WNT16: variants seen among roughly 807,000 people sequenced by gnomAD.
The protein encoded by WNT16 is protein Wnt-16.
WNT16 carries 20 observed loss-of-function variants against 35.4 expected under a neutral mutation model. The observed-to-expected ratio is 0.56, with a 90% CI of 0.40 to 0.82. WNT16 has a LOEUF of 0.82. Among genes scored for constraint, WNT16 ranks in the 40% least tolerant of loss-of-function variants. The pLI is 0.00. For synonymous variants in WNT16, 180 were observed against 179.2 expected, an observed-to-expected ratio of 1.00 and a Z score of -0.03; for missense variants, 461 against 466.0, an observed-to-expected ratio of 0.99 and a Z score of 0.10.
upstream of WNT16, chr7:121,325,442 G>A (rs886887330): frequency 1.3e-5 from 21 of 1,613,720 alleles, no homozygotes; most frequent in African/African-American, 5.3e-5. Flanking sequence ...GCCTCAGGGA[G>A]ACCCTCTTCA....
At chr7:121,328,251 G>T (rs1379623404), upstream of WNT16, among the ~76,000 whole-genome samples, 1 of 152,176 alleles carries the variant, frequency 6.6e-6, no homozygotes, top group Admixed American at 6.5e-5. Flanking sequence ...TAGGACTGGA[G>T]AAAAAGATCA....
At position 121,339,514 on chromosome 7, in the gene WNT16, G is replaced by C. The variant is rs190011371; in HGVS notation, c.*169G>C. 1,478 of 592,304 alleles carry C rather than the reference G, an allele frequency of 2.5e-3. 5 individuals are homozygous for C. The highest frequency in any genetic ancestry group is 3.8e-3 in the Non-Finnish European group (1,291 of 341,608). 36.7% of individuals were successfully genotyped at this position (592,304 alleles called of 1,614,324 possible). A position where few individuals can be genotyped will look rare whatever the true frequency, so the allele number is the denominator to read the frequency against. On this transcript the variant is annotated 3_prime_UTR_variant, in exon 4 of 4. Coordinates refer to ENST00000222462, the MANE Select transcript of WNT16 (RefSeq NM_057168.2). ...CTGATCGACATATTTTCCTTTATCT[G>C]ATCAACCCATCAATCATGTGGATTT...
chr7:121,339,004 T>C lies in WNT16; in HGVS notation c.757T>C (p.Tyr253His), dbSNP rs771869104. Residue 253 changes from tyrosine (Y) to histidine (H), a missense_variant, in exon 4 of 4, where the codon TAT becomes CAT. Tyr to His is a moderately conservative substitution (Grantham distance 83, BLOSUM62 2). Transcript: ENST00000222462. Reference protein sequence around the residue: ...EKIGHLLKDKYENSIQISDKT... With the variant: ...EKIGHLLKDKHENSIQISDKT... ...GATTGGCCATTTGTTGAAGGATAAA[T>C]ATGAAAACAGTATCCAGATATCAGA... 8.7e-6 allele frequency: 14 copies of C among 1,613,908 alleles called. No individual in the cohort carries two copies. The highest frequency in any genetic ancestry group is 1.7e-5 in the Admixed American group (1 of 59,974).
intron 3 of WNT16, among the ~76,000 whole-genome samples, chr7:121,333,099 T>C (rs906707295): frequency 2.0e-5 from 3 of 152,072 alleles, no homozygotes; most frequent in African/African-American, 7.2e-5. Flanking sequence ...GCACATATCA[T>C]ATATTCTTGT....
chr7:121,326,038 CAAAAAAAAAAA>C (rs386411143), upstream of WNT16, among the ~76,000 whole-genome samples: 31 of 23,094 alleles, frequency 1.3e-3, no homozygotes, highest in South Asian at 0.045. Context: ...TACCTCATCT[CAAAAAAAAAAA>C]AAAAAAAAAA....
chr7:121,338,258 C>A (rs570824358), intron 3 of WNT16, among the ~76,000 whole-genome samples: 3 of 152,152 alleles, frequency 2.0e-5, no homozygotes, highest in Non-Finnish European at 4.4e-5. Context: ...ACCCCCTGCC[C>A]GACCAGTGAA....
At chr7:121,330,488 A>G (rs992738641) in intron 2 of WNT16, among the ~76,000 whole-genome samples, 12 of 152,216 alleles carry the variant, frequency 7.9e-5, no homozygotes, top group Non-Finnish European at 7.3e-5. Flanking sequence ...GGTAAGGATA[A>G]AGGTACAGGG....
intron 2 of WNT16, among the ~76,000 whole-genome samples, chr7:121,330,691 A>G (rs1793330127): frequency 1.4e-5 from 2 of 141,134 alleles, no homozygotes; most frequent in African/African-American, 5.5e-5. Context: ...GCCCTTCCGA[A>G]GGAGCCCTGG....
rs779406140 is a variant in WNT16, at chr7:121,338,873, G to T, written c.634-8G>T. Reference sequence around the variant, plus strand: ...TTGATAGTTGAACACAATTACTGTTGGTTTCAGGCTGTCGCCAAGTTGATG... The same window carrying T: ...TTGATAGTTGAACACAATTACTGTTTGTTTCAGGCTGTCGCCAAGTTGATG... On this transcript the variant is annotated splice_polypyrimidine_tract_variant and splice_region_variant and intron_variant, in intron 3 of 3. Transcript: ENST00000222462. 4 of 1,608,374 alleles carry T rather than the reference G, an allele frequency of 2.5e-6. No individual in the cohort carries two copies. The highest frequency in any genetic ancestry group is 2.5e-6 in the Non-Finnish European group (3 of 1,177,206).
intron 3 of WNT16, among the ~76,000 whole-genome samples, chr7:121,336,621 A>C (rs922473021): frequency 2.0e-5 from 3 of 152,194 alleles, no homozygotes; most frequent in African/African-American, 7.2e-5. Flanking sequence ...TCAAAACAAT[A>C]CCATTAACCT....
At chr7:121,332,236 A>ATG (rs1562875844) in intron 3 of WNT16, among the ~76,000 whole-genome samples, 2 of 51,800 alleles carry the variant, frequency 3.9e-5, no homozygotes, top group African/African-American at 3.0e-4. Context: ...GAATAAATAT[A>ATG]CGTGTGTGTG....
intron 2 of WNT16, among the ~76,000 whole-genome samples, chr7:121,331,110 A>C (rs1793339048): frequency 6.6e-6 from 1 of 152,224 alleles, no homozygotes; most frequent in South Asian, 2.1e-4. Flanking sequence ...TGTTAATGTG[A>C]GACTAATCTT....
chr7:121,327,343 C>T (rs1403489835), upstream of WNT16, among the ~76,000 whole-genome samples: 1 of 143,528 alleles, frequency 7.0e-6, no homozygotes, highest in Non-Finnish European at 1.5e-5. Flanking sequence ...CTAATGCTAT[C>T]TAATCCTTTT....
chr7:121,329,894 A>G (rs1793311802), intron 2 of WNT16, 77 bp downstream of exon 2: 1 of 1,557,390 alleles, frequency 6.4e-7, no homozygotes, highest in African/African-American at 1.4e-5. Flanking sequence ...AATAAAGTAA[A>G]TAGTGCTACG....
At chr7:121,325,462 C>A (rs1013164321), upstream of WNT16, 1 of 1,613,484 alleles carries the variant, frequency 6.2e-7, no homozygotes, top group African/African-American at 1.3e-5. Context: ...ACAGGGGCTT[C>A]TCAAAAGACC....
chr7:121,326,081 G>T (rs1168871609), upstream of WNT16, among the ~76,000 whole-genome samples: 2 of 143,560 alleles, frequency 1.4e-5, no homozygotes, highest in African/African-American at 5.3e-5. Flanking sequence ...GGCCTCTAAA[G>T]GTTGATTGTT....
At position 121,339,031 on chromosome 7, in the gene WNT16, A is replaced by C; in HGVS notation, c.784A>C (p.Lys262Gln). 1 of 1,614,198 alleles carries C rather than the reference A, an allele frequency of 6.2e-7. No individual in the cohort carries two copies. Residue 262 changes from lysine to glutamine, a missense_variant, in exon 4 of 4, where the codon AAA (lysine) becomes CAA (glutamine). Physicochemically the swap from Lys to Gln is moderately conservative, Grantham distance 53. Coordinates refer to ENST00000222462, the MANE Select transcript of WNT16 (RefSeq NM_057168.2). ...TGAAAACAGTATCCAGATATCAGAC[A>C]AAACAAAGAGGAAAATGCGCAGGAG... ...KYENSIQISD[K>Q]TKRKMRRREK...
intron 3 of WNT16, among the ~76,000 whole-genome samples, chr7:121,334,609 A>G (rs1308074334): frequency 1.3e-5 from 2 of 152,116 alleles, no homozygotes; most frequent in African/African-American, 2.4e-5. Context: ...GAAAGTGTTC[A>G]GAGAAATGTG....
intron 3 of WNT16, among the ~76,000 whole-genome samples, chr7:121,337,272 C>T (rs1385400567): frequency 6.6e-6 from 1 of 152,168 alleles, no homozygotes; most frequent in Non-Finnish European, 1.5e-5. Flanking sequence ...TCAAGCATTG[C>T]ATAAATCAAT....
Sources: gnomAD v4.1 joint callset for allele counts (sites outside exome capture counted in the v4.1 genomes callset) on GRCh38, gnomAD v4.1.1 for gene constraint, MANE v1.5 for transcripts, NCBI Gene and HGNC (gene_info 2026-07-23, HGNC 2026-07-21) for gene names.